Variants in MTUS2 observed in about 807,000 individuals in gnomAD.
MTUS2 encodes microtubule associated scaffold protein 2.
A neutral mutation model predicts 114.1 loss-of-function variants in MTUS2; 40 were observed. The ratio of observed to expected loss-of-function variants is 0.35; its 90% CI spans 0.27 to 0.46. The LOEUF is 0.46. MTUS2 is among the 20% of genes least tolerant of loss of function. The pLI is 1.00. For missense variants in MTUS2, 1,679 were observed against 1,705.4 expected (o/e 0.98, Z 0.27); for synonymous variants, 688 against 672.0 (o/e 1.02, Z -0.37).
chr13:29,184,097 A>T (rs1358052992), intron 5 of MTUS2, among the ~76,000 whole-genome samples: 1 of 152,158 alleles, frequency 6.6e-6, no homozygotes, highest in East Asian at 1.9e-4. Context: ...ACCCCTAAAC[A>T]CTTCAGCAGG....
intron 5 of MTUS2, among the ~76,000 whole-genome samples, chr13:29,160,018 T>TA (rs1208241411): frequency 3.3e-5 from 5 of 152,202 alleles, no homozygotes; most frequent in Non-Finnish European, 5.9e-5. Context: ...AATGAAGACT[T>TA]ACGTTCACAC....
At chr13:28,913,116 C>T (rs1880544772) in intron 2 of MTUS2, among the ~76,000 whole-genome samples, 1 of 152,130 alleles carries the variant, frequency 6.6e-6, no homozygotes, top group South Asian at 2.1e-4. Context: ...CTTTATCTTG[C>T]CTGATTCCCC....
At chr13:28,990,112 A>G (rs1884765331) in intron 2 of MTUS2, among the ~76,000 whole-genome samples, 1 of 152,160 alleles carries the variant, frequency 6.6e-6, no homozygotes, top group African/African-American at 2.4e-5. Context: ...CACTCATTCA[A>G]CATGTATCTA....
chr13:28,868,870 G>A (rs548852402), intron 2 of MTUS2, among the ~76,000 whole-genome samples: 1 of 152,268 alleles, frequency 6.6e-6, no homozygotes, highest in African/African-American at 2.4e-5. Flanking sequence ...GTTCATGTCA[G>A]ACTAGACTTT....
intron 2 of MTUS2, among the ~76,000 whole-genome samples, chr13:28,976,503 G>A (rs997829595): frequency 1.1e-4 from 16 of 152,178 alleles, no homozygotes; most frequent in African/African-American, 3.6e-4. Flanking sequence ...GTAGATTGCA[G>A]TGCATTTTGG....
chr13:29,349,892 T>G (rs533863353), intron 7 of MTUS2, among the ~76,000 whole-genome samples: 1 of 152,322 alleles, frequency 6.6e-6, no homozygotes, highest in Admixed American at 6.5e-5. Flanking sequence ...TTTTTGGATC[T>G]GTTTTTATAC....
intron 5 of MTUS2, among the ~76,000 whole-genome samples, chr13:29,114,945 C>T (rs1891027329): frequency 6.6e-6 from 1 of 152,226 alleles, no homozygotes; most frequent in South Asian, 2.1e-4. Flanking sequence ...GTGGCATACA[C>T]ATCTTACCCC....
intron 4 of MTUS2, among the ~76,000 whole-genome samples, chr13:29,084,641 G>A (rs1194862816): frequency 1.3e-5 from 2 of 151,498 alleles, no homozygotes; most frequent in East Asian, 2.0e-4. Flanking sequence ...GGGTTCAAGC[G>A]ATTCTCCTGT....
intron 8 of MTUS2, among the ~76,000 whole-genome samples, chr13:29,403,041 C>A (rs943013667): frequency 2.6e-5 from 4 of 152,192 alleles, no homozygotes; most frequent in Admixed American, 2.6e-4. Context: ...AGCCCCAGTA[C>A]TTAAGACTGA....
At chr13:29,130,232 C>G (rs746058898) in intron 5 of MTUS2, among the ~76,000 whole-genome samples, 1 of 152,120 alleles carries the variant, frequency 6.6e-6, no homozygotes, top group African/African-American at 2.4e-5. Context: ...TCCAAAATCT[C>G]CAGCTCTTTC....
chr13:29,217,644 G>A (rs1895734930), intron 5 of MTUS2, among the ~76,000 whole-genome samples: 1 of 152,258 alleles, frequency 6.6e-6, no homozygotes, highest in East Asian at 1.9e-4. Context: ...AGGGAACATT[G>A]AAGTTTTTTA....
chr13:29,247,597 A>G (rs1007519255), intron 5 of MTUS2, among the ~76,000 whole-genome samples: 1 of 152,214 alleles, frequency 6.6e-6, no homozygotes, highest in Non-Finnish European at 1.5e-5. Context: ...AAAGACATAA[A>G]TAGACAATTC....
intron 4 of MTUS2, among the ~76,000 whole-genome samples, chr13:29,048,943 G>A (rs1887761532): frequency 6.6e-6 from 1 of 152,168 alleles, no homozygotes; most frequent in Non-Finnish European, 1.5e-5. Flanking sequence ...CTTTTCTCTG[G>A]AGTAAAGTTA....
intron 2 of MTUS2, among the ~76,000 whole-genome samples, chr13:28,995,874 T>C (rs946829307): frequency 3.9e-5 from 6 of 152,292 alleles, no homozygotes; most frequent in African/African-American, 1.4e-4. Flanking sequence ...TTTTCCTAAT[T>C]GAATACCCTT....
chr13:29,050,038 A>G (rs931941984), intron 4 of MTUS2, among the ~76,000 whole-genome samples: 1 of 152,174 alleles, frequency 6.6e-6, no homozygotes, highest in African/African-American at 2.4e-5. Flanking sequence ...TCATGCAAAC[A>G]GCTGGACAGG....
At chr13:28,940,691 A>G (rs1278041210) in intron 2 of MTUS2, among the ~76,000 whole-genome samples, 4 of 152,200 alleles carry the variant, frequency 2.6e-5, no homozygotes, top group Non-Finnish European at 4.4e-5. Context: ...TTAAGTACAG[A>G]TTAGATATAG....
intron 8 of MTUS2, among the ~76,000 whole-genome samples, chr13:29,401,825 T>C (rs1874372540): frequency 6.6e-6 from 1 of 152,228 alleles, no homozygotes; most frequent in African/African-American, 2.4e-5. Flanking sequence ...ATAAATATTC[T>C]CTTACATTTT....
At chr13:29,319,762 C>T (rs1420414634) in intron 6 of MTUS2, among the ~76,000 whole-genome samples, 2 of 151,994 alleles carry the variant, frequency 1.3e-5, no homozygotes, top group African/African-American at 4.8e-5. Context: ...ACGAGATGCC[C>T]GCTAGCCTTA....
At chr13:29,501,478 A>G (rs1882899048) in intron 15 of MTUS2, among the ~76,000 whole-genome samples, 1 of 152,196 alleles carries the variant, frequency 6.6e-6, no homozygotes, top group African/African-American at 2.4e-5. Context: ...GGAAGAGATT[A>G]GGAGAGGAGG....
Sources: allele counts gnomAD v4.1 joint callset (sites outside exome capture counted in the v4.1 genomes callset), GRCh38; gene constraint gnomAD v4.1.1; transcripts MANE v1.5; gene names NCBI Gene and HGNC (gene_info 2026-07-23, HGNC 2026-07-21).